Variants in CD84 observed in about 807,000 individuals in gnomAD.
CD84 encodes SLAM family member 5.
Under a neutral mutation model 33.8 loss-of-function variants are expected in CD84, and 22 were observed. That is an observed-to-expected ratio of 0.65 (90% CI 0.46 to 0.93). The LOEUF (loss-of-function observed/expected upper bound fraction) is 0.93, where lower values mean the gene tolerates loss of function less well. Ranked by LOEUF, CD84 falls within the 40% of genes least tolerant of loss-of-function variation. The probability of loss-of-function intolerance (pLI) is 0.00; values close to 1 mark genes in which losing one functional copy is unlikely to be tolerated. For missense variants in CD84, 400 were observed against 397.6 expected (o/e 1.01, Z -0.05); for synonymous variants, 154 against 145.2 (o/e 1.06, Z -0.44).
At position 160,545,496 on chromosome 1, in the gene CD84, CT is replaced by C. The variant is rs1162832591; in HGVS notation, c.*2759del. 1 of 152,216 alleles carries C rather than the reference CT, an allele frequency of 6.6e-6. No homozygotes were observed. The highest frequency in any genetic ancestry group is 1.5e-5 in the Non-Finnish European group (1 of 68,074). The allele number at this position is 152,216 out of a possible 1,614,324, so 9.4% of individuals were successfully genotyped here. ...TGCACGTCTCTTCTTGGGGTGCTGT[CT>C]TTCACCTCCTTACAACTGGTTAGGT... is the stretch of plus-strand genomic sequence containing the variant. On this transcript the variant is annotated 3_prime_UTR_variant, in exon 7 of 7. Coordinates refer to ENST00000368054, the MANE Select transcript of CD84 (RefSeq NM_003874.4).
chr1:160,569,517 TAC>T (rs140655590), intron 1 of CD84, among the ~76,000 whole-genome samples: 3,206 of 147,740 alleles, frequency 0.022, 56 homozygotes, highest in East Asian at 0.042. Flanking sequence ...GGAAATAAGA[TAC>T]ACACACACAC....
intron 3 of CD84, 47 bp from the exon 4 acceptor site, chr1:160,553,544 C>T (rs769050550): frequency 6.2e-7 from 1 of 1,610,632 alleles, no homozygotes; most frequent in Non-Finnish European, 8.5e-7. Context: ...GAAATAGGCC[C>T]AAGAGGCTGG....
intron 1 of CD84, among the ~76,000 whole-genome samples, chr1:160,566,671 T>A (rs1418983028): frequency 6.6e-6 from 1 of 152,152 alleles, no homozygotes; most frequent in Non-Finnish European, 1.5e-5. Context: ...CCAATGTTGA[T>A]CAGATAACCA....
At chr1:160,554,188 G>C (rs1490323316) in intron 2 of CD84, 42 bp from the exon 3 acceptor site, 1 of 1,524,598 alleles carries the variant, frequency 6.6e-7, no homozygotes, top group Non-Finnish European at 8.8e-7. Flanking sequence ...GCTGGAGCTG[G>C]CTTGTACTAG....
rs937466685 is a variant in CD84 at position 160,541,342 on chromosome 1, A to G, written c.*6914T>C. 4 of 152,214 alleles carry G rather than the reference A, an allele frequency of 2.6e-5. No homozygotes were observed. The highest frequency in any genetic ancestry group is 6.5e-5 in the Admixed American group (1 of 15,286). 9.4% of individuals were successfully genotyped at this position (152,214 alleles called of 1,614,324 possible). A position where few individuals can be genotyped will look rare whatever the true frequency, so the allele number is the denominator to read the frequency against. ...AATTTCCATGTTCAAATGAATAATG[A>G]ACTAATCAAAAAACCTTTTTTTGAG... On this transcript the variant is annotated 3_prime_UTR_variant, in exon 7 of 7. Coordinates refer to ENST00000368054, the MANE Select transcript of CD84 (RefSeq NM_003874.4).
chr1:160,550,230 C>T (rs906469582), intron 5 of CD84, among the ~76,000 whole-genome samples: 3 of 151,820 alleles, frequency 2.0e-5, no homozygotes, highest in Non-Finnish European at 2.9e-5. Flanking sequence ...GAGGAGGGAT[C>T]CCATGGTTCA....
Position 160,554,009 on chromosome 1 carries a change from T to C in CD84, c.526A>G (p.Asn176Asp). ...YNWSPLGEEG[N>D]VLQIFQTPED... The stretch of plus-strand genomic sequence containing the variant: ...GGAGTCTGGAAGATTTGAAGGACAT[T>C]ACCCTCTTCTCCCAGGGGACTCCAA... The change falls in exon 3 of 7, where the codon AAT becomes GAT. Residue 176 changes from asparagine (N) to aspartate (D), a missense_variant. Physicochemically the swap from Asn to Asp is conservative, Grantham distance 23. Coordinates refer to ENST00000368054, the MANE Select transcript of CD84 (RefSeq NM_003874.4). 8.7e-6 allele frequency: 14 copies of C among 1,614,216 alleles called. No homozygotes were observed. Among genetic ancestry groups the C allele is most frequent in the Non-Finnish European group, 1.1e-5 (13 of 1,180,036 alleles).
At chr1:160,550,762 G>A in intron 5 of CD84, 176 bp downstream of exon 5, 1 of 985,364 alleles carries the variant, frequency 1.0e-6, no homozygotes, top group Non-Finnish European at 1.2e-6. Context: ...TCACGTTCCT[G>A]TCCTCATAGA....
At chr1:160,569,178 G>A (rs532981413) in intron 1 of CD84, among the ~76,000 whole-genome samples, 3 of 152,312 alleles carry the variant, frequency 2.0e-5, no homozygotes, top group Admixed American at 2.0e-4. Flanking sequence ...CCATACTGGA[G>A]CATATATCAA....
intron 5 of CD84, chr1:160,550,598 T>C: frequency 4.1e-6 from 4 of 984,352 alleles, no homozygotes; most frequent in Non-Finnish European, 4.8e-6. Context: ...GGTAGTCACA[T>C]AGCAGCCCTC....
intron 2 of CD84, among the ~76,000 whole-genome samples, chr1:160,555,030 C>T (rs1190594132): frequency 6.6e-6 from 1 of 151,432 alleles, no homozygotes; most frequent in African/African-American, 2.4e-5. Flanking sequence ...ATACACACAC[C>T]CAATTAAGAG....
intron 2 of CD84, among the ~76,000 whole-genome samples, chr1:160,559,216 T>G (rs1656792659): frequency 6.6e-6 from 1 of 152,134 alleles, no homozygotes; most frequent in Non-Finnish European, 1.5e-5. Flanking sequence ...GTAAAAATGT[T>G]AAGGCAACCA....
intron 2 of CD84, among the ~76,000 whole-genome samples, chr1:160,561,026 A>T (rs966366516): frequency 6.6e-6 from 1 of 151,580 alleles, no homozygotes; most frequent in Non-Finnish European, 1.5e-5. Context: ...CAAAAACAAA[A>T]CAAAACAAAA....
intron 1 of CD84, among the ~76,000 whole-genome samples, chr1:160,573,852 T>C (rs771590793): frequency 1.3e-5 from 2 of 152,092 alleles, no homozygotes; most frequent in Non-Finnish European, 2.9e-5. Flanking sequence ...CAAGAACTAG[T>C]GGATGATTAT....
chr1:160,572,632 A>T (rs1190154265), intron 1 of CD84, among the ~76,000 whole-genome samples: 2 of 152,172 alleles, frequency 1.3e-5, no homozygotes, highest in Admixed American at 6.6e-5. Context: ...GAGATTGATG[A>T]AGGGGATCAA....
In CD84 at chr1:160,550,693, G is replaced by T. The variant is rs944465022; in HGVS notation, c.858+245C>A. 1.3e-5 allele frequency: 13 copies of T among 985,268 alleles called. No individual in the cohort carries two copies. The African/African-American group carries it at 2.1e-4, about 16-fold the overall frequency. 61.0% of individuals were successfully genotyped at this position (985,268 alleles called of 1,614,324 possible). A position where few individuals can be genotyped will look rare whatever the true frequency, so the allele number is the denominator to read the frequency against. On this transcript the variant is annotated intron_variant, in intron 5 of 6. Transcript: ENST00000368054. ...CATGGCTCATCTAACCTGGAGCCGG[G>T]CCCACTGTGGGACACTCAGTGCCTC...
At chr1:160,553,286 A>G (rs753764913) in intron 4 of CD84, 92 bp downstream of exon 4, 10 of 1,606,132 alleles carry the variant, frequency 6.2e-6, no homozygotes, top group Middle Eastern at 3.3e-4. Flanking sequence ...CCCTGGAACA[A>G]TGGGCCTTTC....
At chr1:160,576,632 T>C (rs1171552407) in intron 1 of CD84, among the ~76,000 whole-genome samples, 2 of 152,142 alleles carry the variant, frequency 1.3e-5, no homozygotes, top group African/African-American at 2.4e-5. Flanking sequence ...AGCATCAATG[T>C]GGGTGGAGGC....
chr1:160,552,282 T>C (rs927113012), intron 4 of CD84, among the ~76,000 whole-genome samples: 1 of 152,232 alleles, frequency 6.6e-6, no homozygotes, highest in African/African-American at 2.4e-5. Flanking sequence ...AGATCACCTG[T>C]GGTTCAAGCA....
Sources: allele counts gnomAD v4.1 joint callset (sites outside exome capture counted in the v4.1 genomes callset), GRCh38; gene constraint gnomAD v4.1.1; transcripts MANE v1.5; gene names NCBI Gene and HGNC (gene_info 2026-07-23, HGNC 2026-07-21).